CTNND2: variants seen among roughly 807,000 people sequenced by gnomAD.
CTNND2 encodes the protein catenin delta-2.
Under a neutral mutation model 144.4 loss-of-function variants are expected in CTNND2, and 22 were observed. That is an observed-to-expected ratio of 0.15 (90% CI 0.11 to 0.22). The LOEUF (loss-of-function observed/expected upper bound fraction) is 0.22. Ranked by LOEUF, CTNND2 falls within the 10% of genes least tolerant of loss-of-function variation. The pLI, the probability that CTNND2 is intolerant of heterozygous loss-of-function variation, is 1.00. For synonymous variants in CTNND2, 751 were observed against 695.6 expected, an observed-to-expected ratio of 1.08 and a Z score of -1.25; for missense variants, 1,353 against 1,618.8, an observed-to-expected ratio of 0.84 and a Z score of 2.82.
chr5:11,873,164 T>C (rs1176537868), intron 1 of CTNND2, among the ~76,000 whole-genome samples: 2 of 152,212 alleles, frequency 1.3e-5, no homozygotes, highest in Non-Finnish European at 2.9e-5. Context: ...AGGGATTCAA[T>C]AGTGTTATGC....
intron 9 of CTNND2, among the ~76,000 whole-genome samples, chr5:11,249,615 C>T (rs1743358900): frequency 6.6e-6 from 1 of 151,914 alleles, no homozygotes; most frequent in Non-Finnish European, 1.5e-5. Context: ...GGTTTAGGGA[C>T]CATCATATTT....
chr5:11,371,884 T>C (rs1026949637), intron 7 of CTNND2, among the ~76,000 whole-genome samples: 15 of 152,194 alleles, frequency 9.9e-5, no homozygotes, highest in Non-Finnish European at 1.6e-4. Context: ...ACCAAATAAT[T>C]CCAGTGTAAC....
chr5:11,749,185 T>C (rs1319272090), intron 1 of CTNND2, among the ~76,000 whole-genome samples: 1 of 152,030 alleles, frequency 6.6e-6, no homozygotes, highest in East Asian at 1.9e-4. Flanking sequence ...CCATCTTGAC[T>C]GAAACATTAG....
At chr5:11,525,760 G>A (rs1773187588) in intron 3 of CTNND2, among the ~76,000 whole-genome samples, 1 of 152,244 alleles carries the variant, frequency 6.6e-6, no homozygotes, top group Non-Finnish European at 1.5e-5. Context: ...GTGAGTGTGT[G>A]TGGGTGTGTG....
In CTNND2 at chr5:11,477,242, C is replaced by T. The variant is rs138594629; in HGVS notation, c.288-65173G>A. Among the ~76,000 whole-genome samples the T allele has an allele frequency of 5.1e-3, 774 of 152,166 alleles. 23 individuals are homozygous for T. The highest frequency in any genetic ancestry group is 0.046 in the Admixed American group (699 of 15,288). On this transcript the variant is annotated intron_variant, in intron 3 of 21. Coordinates refer to ENST00000304623, the MANE Select transcript of CTNND2 (RefSeq NM_001332.4). ...ATTATTAACTCTCAATTTTACATGG[C>T]CTATTCTTAGAAAAGCAACTTTTTT...
intron 2 of CTNND2, among the ~76,000 whole-genome samples, chr5:11,661,775 A>T (rs915528383): frequency 6.6e-6 from 1 of 152,066 alleles, no homozygotes; most frequent in African/African-American, 2.4e-5. Context: ...TAAGCTGAAT[A>T]AATTTTTCTT....
intron 5 of CTNND2, among the ~76,000 whole-genome samples, chr5:11,397,415 A>C (rs1760248511): frequency 1.3e-5 from 2 of 152,062 alleles, no homozygotes; most frequent in Admixed American, 1.3e-4. Context: ...GGTGGTTTAA[A>C]AGTTCTCAAA....
chr5:11,333,150 T>G (rs191801599), intron 9 of CTNND2, among the ~76,000 whole-genome samples: 1 of 152,332 alleles, frequency 6.6e-6, no homozygotes, highest in East Asian at 1.9e-4. Context: ...TGTATCAGAA[T>G]TTCCTCCCTT....
At chr5:11,238,713 TTA>T (rs1235229488) in intron 9 of CTNND2, among the ~76,000 whole-genome samples, 13 of 152,004 alleles carry the variant, frequency 8.6e-5, no homozygotes, top group Non-Finnish European at 4.4e-5. Flanking sequence ...TATATACACA[TTA>T]TATATATACA....
chr5:11,852,382 C>G (rs190589102), intron 1 of CTNND2, among the ~76,000 whole-genome samples: 1 of 152,220 alleles, frequency 6.6e-6, no homozygotes, highest in Non-Finnish European at 1.5e-5. Flanking sequence ...TCACTATATT[C>G]CTACCTTGAC....
intron 9 of CTNND2, among the ~76,000 whole-genome samples, chr5:11,277,876 A>C (rs542656792): frequency 5.3e-5 from 8 of 151,888 alleles, no homozygotes; most frequent in East Asian, 3.9e-4. Context: ...AACAATACCC[A>C]AGTGCACTTC....
intron 2 of CTNND2, among the ~76,000 whole-genome samples, chr5:11,623,561 GC>G (rs1309211674): frequency 6.6e-6 from 1 of 151,550 alleles, no homozygotes; most frequent in Non-Finnish European, 1.5e-5. Context: ...GCCTTTATCA[GC>G]AGTGTGAAAA....
intron 2 of CTNND2, among the ~76,000 whole-genome samples, chr5:11,665,166 T>C (rs1783489785): frequency 6.6e-6 from 1 of 152,186 alleles, no homozygotes; most frequent in South Asian, 2.1e-4. Flanking sequence ...TGGTGAATAG[T>C]GCATCTCCGT....
intron 16 of CTNND2, among the ~76,000 whole-genome samples, chr5:11,068,411 T>A (rs1216676733): frequency 1.3e-5 from 2 of 152,246 alleles, no homozygotes; most frequent in Non-Finnish European, 2.9e-5. Flanking sequence ...CATGTAGTTC[T>A]ATTTTTATAA....
At chr5:11,252,348 A>G (rs1484061151) in intron 9 of CTNND2, among the ~76,000 whole-genome samples, 1 of 152,156 alleles carries the variant, frequency 6.6e-6, no homozygotes, top group Non-Finnish European at 1.5e-5. Context: ...ATTTCACTGC[A>G]CTGCAGTGAT....
intron 3 of CTNND2, among the ~76,000 whole-genome samples, chr5:11,430,294 C>A: frequency 7.1e-6 from 1 of 140,858 alleles, no homozygotes; most frequent in African/African-American, 2.6e-5. Context: ...TCCTTTTTAC[C>A]ATTAAGAGTT....
intron 3 of CTNND2, among the ~76,000 whole-genome samples, chr5:11,449,941 G>A (rs2149910263): frequency 1.3e-5 from 2 of 152,288 alleles, no homozygotes; most frequent in Middle Eastern, 6.8e-3. Context: ...TTCATCATCT[G>A]TACAGTTGCT....
intron 9 of CTNND2, among the ~76,000 whole-genome samples, chr5:11,309,844 C>T (rs114404993): frequency 0.01 from 1,540 of 152,180 alleles, 28 homozygotes; most frequent in African/African-American, 0.035. Flanking sequence ...CAGATTTCCC[C>T]CCTGCTTCTC....
chr5:11,595,181 TA>T (rs1779442858), intron 2 of CTNND2, among the ~76,000 whole-genome samples: 1 of 151,788 alleles, frequency 6.6e-6, no homozygotes, highest in East Asian at 1.9e-4. Context: ...CAGGAGGTGG[TA>T]AGGAAAAAAA....
Sources: allele counts gnomAD v4.1 joint callset (sites outside exome capture counted in the v4.1 genomes callset), GRCh38; gene constraint gnomAD v4.1.1; transcripts MANE v1.5; gene names NCBI Gene and HGNC (gene_info 2026-07-23, HGNC 2026-07-21).